The following JARID2 variants were observed in gnomAD, a reference collection of about 807,000 sequenced individuals.
JARID2 encodes protein Jumonji.
JARID2 carries 21 observed loss-of-function variants against 125.6 expected under a neutral mutation model. The observed-to-expected ratio is 0.17, with a 90% confidence interval of 0.12 to 0.24. The LOEUF (loss-of-function observed/expected upper bound fraction) is 0.24, where lower values mean the gene tolerates loss of function less well. Ranked by LOEUF, JARID2 falls within the 10% of genes least tolerant of loss-of-function variation. JARID2 has a pLI of 1.00. For missense variants in JARID2, 1,303 were observed against 1,639.6 expected, an observed-to-expected ratio of 0.79 and a Z score of 3.55; for synonymous variants, 736 against 661.6, an observed-to-expected ratio of 1.11 and a Z score of -1.73.
rs981249931 is a variant in JARID2 at position 15,452,293 on chromosome 6, G to A, written c.493+118G>A. On this transcript the variant is annotated intron_variant, in intron 4 of 17. Coordinates refer to ENST00000341776, the MANE Select transcript of JARID2 (RefSeq NM_004973.4). ...TGTTCATTTTTCTGTCCCCAACCTG[G>A]GTTGAGGGGGAATTGAAAGTGAGAA... The A allele has an allele frequency of 9.9e-6, 14 of 1,418,498 alleles. No homozygotes were observed. In the South Asian group the frequency reaches 1.9e-4, roughly 20 times the overall value. The allele number at this position is 1,418,498 out of a possible 1,614,324, so 87.9% of individuals were successfully genotyped here. A position where few individuals can be genotyped will look rare whatever the true frequency, so the allele number is the denominator to read the frequency against.
At chr6:15,417,164 G>T (rs1766267781) in intron 3 of JARID2, among the ~76,000 whole-genome samples, 1 of 152,202 alleles carries the variant, frequency 6.6e-6, no homozygotes, top group African/African-American at 2.4e-5. Context: ...GTAGGGGGAA[G>T]AGGGTAGAAA....
chr6:15,247,508 G>A, intron 1 of JARID2: 1 of 977,418 alleles, frequency 1.0e-6, no homozygotes, highest in Non-Finnish European at 1.2e-6. Flanking sequence ...TCTGTGATTA[G>A]CTGCATGCTT....
intron 3 of JARID2, among the ~76,000 whole-genome samples, chr6:15,414,736 T>A (rs917026408): frequency 2.0e-5 from 3 of 152,192 alleles, no homozygotes; most frequent in African/African-American, 7.2e-5. Context: ...TTTTTCTTTT[T>A]CTTTTGATCA....
chr6:15,331,017 G>A lies in JARID2; in HGVS notation c.46-43100G>A, dbSNP rs553665397. 2.6e-5 allele frequency among the ~76,000 whole-genome samples: 4 copies of A among 152,138 alleles called. No homozygotes were observed. In the South Asian group the frequency reaches 6.2e-4, roughly 24 times the overall value. ...GACTTCATTGTCTTGTGAAAGGAGC[G>A]GTATTTCAGGAATTAACTACTCATT... On this transcript the variant is annotated intron_variant, in intron 1 of 17. Transcript: ENST00000341776.
intron 1 of JARID2, among the ~76,000 whole-genome samples, chr6:15,354,916 C>T (rs1057092314): frequency 2.0e-5 from 3 of 152,016 alleles, no homozygotes; most frequent in African/African-American, 4.8e-5. Context: ...TTAGAAAAGC[C>T]GGGGAGGTGA....
chr6:15,511,795 C>G (rs1320652684), intron 13 of JARID2, among the ~76,000 whole-genome samples: 1 of 152,210 alleles, frequency 6.6e-6, no homozygotes, highest in Non-Finnish European at 1.5e-5. Context: ...ACCAGCTTCT[C>G]TGGCCTCTGC....
At chr6:15,488,157 C>G (rs1255203315) in intron 6 of JARID2, among the ~76,000 whole-genome samples, 1 of 152,200 alleles carries the variant, frequency 6.6e-6, no homozygotes, top group Admixed American at 6.5e-5. Context: ...TGTCCCCCCA[C>G]CCGCTATCCC....
chr6:15,364,112 T>A (rs1466144693), intron 1 of JARID2, among the ~76,000 whole-genome samples: 1 of 152,126 alleles, frequency 6.6e-6, no homozygotes, highest in African/African-American at 2.4e-5. Flanking sequence ...TTGCTGGGGT[T>A]CGGGTGGGGT....
intron 1 of JARID2, among the ~76,000 whole-genome samples, chr6:15,311,145 T>C (rs957614281): frequency 6.6e-6 from 1 of 152,190 alleles, no homozygotes; most frequent in Non-Finnish European, 1.5e-5. Context: ...CTTGTGACAG[T>C]AGGAGTTGGG....
intron 1 of JARID2, among the ~76,000 whole-genome samples, chr6:15,259,914 A>C (rs987255709): frequency 6.6e-6 from 1 of 152,216 alleles, no homozygotes. Flanking sequence ...AGGGACAGTC[A>C]GATTAAACTG....
chr6:15,358,746 TC>T (rs1210336559), intron 1 of JARID2, among the ~76,000 whole-genome samples: 1 of 152,268 alleles, frequency 6.6e-6, no homozygotes. Flanking sequence ...TACAAAGGTT[TC>T]CCTTCTTTCT....
intron 11 of JARID2, 135 bp from the exon 12 acceptor site, chr6:15,508,205 C>G (rs1771102527): frequency 3.2e-6 from 2 of 628,690 alleles, no homozygotes; most frequent in South Asian, 1.9e-5. Flanking sequence ...CTTCTGCTCA[C>G]TGTCTTTTGT....
At chr6:15,478,358 A>G (rs999339495) in intron 5 of JARID2, among the ~76,000 whole-genome samples, 1 of 152,100 alleles carries the variant, frequency 6.6e-6, no homozygotes, top group African/African-American at 2.4e-5. Flanking sequence ...GGGGGAGGAT[A>G]TGTGAGGGTG....
chr6:15,377,234 C>T (rs1224319748), intron 2 of JARID2, among the ~76,000 whole-genome samples: 1 of 152,112 alleles, frequency 6.6e-6, no homozygotes, highest in Non-Finnish European at 1.5e-5. Context: ...TTCCTCATGC[C>T]TGGGGAGGCC....
At chr6:15,482,199 C>T (rs1769651969) in intron 5 of JARID2, among the ~76,000 whole-genome samples, 2 of 152,230 alleles carry the variant, frequency 1.3e-5, no homozygotes, top group South Asian at 4.1e-4. Flanking sequence ...TGACTCCTGT[C>T]AGTTTTTATG....
intron 1 of JARID2, among the ~76,000 whole-genome samples, chr6:15,304,501 C>G (rs887598206): frequency 6.6e-6 from 1 of 152,108 alleles, no homozygotes. Context: ...TACAGTCCTT[C>G]TCTGAAGCAG....
At chr6:15,500,016 T>C (rs1344593828) in intron 7 of JARID2, among the ~76,000 whole-genome samples, 1 of 152,240 alleles carries the variant, frequency 6.6e-6, no homozygotes, top group Admixed American at 6.5e-5. Context: ...CTCTAAAGAT[T>C]TAAAACGTTG....
At chr6:15,248,350 G>A (rs1208054763) in intron 1 of JARID2, among the ~76,000 whole-genome samples, 1 of 144,300 alleles carries the variant, frequency 6.9e-6, no homozygotes, top group East Asian at 2.1e-4. Flanking sequence ...ACCCGGGCCG[G>A]CTTGCAGGCG....
chr6:15,366,486 G>A (rs1373519309), intron 1 of JARID2, among the ~76,000 whole-genome samples: 1 of 124,844 alleles, frequency 8.0e-6, no homozygotes, highest in Non-Finnish European at 1.6e-5. Flanking sequence ...GAGCTCTAGC[G>A]ATCTCTATAT....
Sources: gnomAD v4.1 joint callset for allele counts (sites outside exome capture counted in the v4.1 genomes callset) on GRCh38, gnomAD v4.1.1 for gene constraint, MANE v1.5 for transcripts, NCBI Gene and HGNC (gene_info 2026-07-23, HGNC 2026-07-21) for gene names.